The following VEGFC variants were observed in gnomAD, a reference collection of about 807,000 sequenced individuals.
The protein encoded by VEGFC is FLT4 ligand DHM.
VEGFC carries 12 observed loss-of-function variants against 46.1 expected under a neutral mutation model. That is an observed-to-expected ratio of 0.26 (90% CI 0.17 to 0.42). The LOEUF (loss-of-function observed/expected upper bound fraction) is 0.42. VEGFC is among the 10% of genes least tolerant of loss of function. The probability of loss-of-function intolerance (pLI) is 1.00; values close to 1 mark genes in which losing one functional copy is unlikely to be tolerated. For missense variants in VEGFC, 488 were observed against 529.4 expected (o/e 0.92, Z 0.77); for synonymous variants, 232 against 195.5 (o/e 1.19, Z -1.56).
chr4:176,741,606 A>G (rs941740413), intron 1 of VEGFC, among the ~76,000 whole-genome samples: 1 of 151,948 alleles, frequency 6.6e-6, no homozygotes, highest in African/African-American at 2.4e-5. Context: ...TATGGATAAT[A>G]AAAAAAGATA....
intron 1 of VEGFC, among the ~76,000 whole-genome samples, chr4:176,771,190 C>T (rs1735715995): frequency 6.6e-6 from 1 of 152,118 alleles, no homozygotes. Context: ...ATTCAAGTCA[C>T]ATTAAGAATA....
At chr4:176,731,003 C>T (rs1022329614) in intron 1 of VEGFC, among the ~76,000 whole-genome samples, 4 of 152,040 alleles carry the variant, frequency 2.6e-5, no homozygotes, top group African/African-American at 9.7e-5. Flanking sequence ...TGAGTTTACC[C>T]TTTCACTACC....
At chr4:176,685,487 A>C (rs537694719) in intron 6 of VEGFC, among the ~76,000 whole-genome samples, 20 of 152,288 alleles carry the variant, frequency 1.3e-4, no homozygotes, top group African/African-American at 3.8e-4. Flanking sequence ...GAGTTGCAGT[A>C]AACAGAGTCT....
chr4:176,739,489 G>T (rs112780093), intron 1 of VEGFC, among the ~76,000 whole-genome samples: 7,501 of 152,000 alleles, frequency 0.049, 358 homozygotes, highest in African/African-American at 0.1. Context: ...AACTAATGCA[G>T]GAGCAGAAAA....
intron 3 of VEGFC, among the ~76,000 whole-genome samples, chr4:176,726,833 A>C (rs1004879011): frequency 6.6e-6 from 1 of 152,178 alleles, no homozygotes; most frequent in African/African-American, 2.4e-5. Flanking sequence ...TACAAATCAA[A>C]TCTAACACCA....
intron 1 of VEGFC, among the ~76,000 whole-genome samples, chr4:176,767,301 A>G (rs763427238): frequency 6.6e-6 from 1 of 152,194 alleles, no homozygotes; most frequent in South Asian, 2.1e-4. Flanking sequence ...TCACCACCAC[A>G]ATAGCTAAAA....
At chr4:176,783,957 C>A (rs867491877) in intron 1 of VEGFC, among the ~76,000 whole-genome samples, 1 of 151,618 alleles carries the variant, frequency 6.6e-6, no homozygotes, top group Admixed American at 6.6e-5. Flanking sequence ...ATGCTATATT[C>A]TTTGTTTGTT....
chr4:176,695,460 C>A (rs549573711), intron 4 of VEGFC, among the ~76,000 whole-genome samples: 1 of 151,290 alleles, frequency 6.6e-6, no homozygotes, highest in Admixed American at 6.6e-5. Context: ...AGACCAATAA[C>A]AGGATCTGAA....
chr4:176,740,375 TAG>T, intron 1 of VEGFC, among the ~76,000 whole-genome samples: 2 of 122,722 alleles, frequency 1.6e-5, no homozygotes, highest in African/African-American at 6.5e-5. Context: ...ATTCTATATA[TAG>T]TTATATATAA....
At chr4:176,733,017 A>G (rs2111021998) in intron 1 of VEGFC, among the ~76,000 whole-genome samples, 1 of 152,040 alleles carries the variant, frequency 6.6e-6, no homozygotes. Flanking sequence ...AACAAAAAGA[A>G]GTAATATAAT....
intron 6 of VEGFC, among the ~76,000 whole-genome samples, chr4:176,684,514 C>T (rs1734003000): frequency 1.3e-5 from 2 of 152,160 alleles, no homozygotes; most frequent in Admixed American, 1.3e-4. Context: ...TCTTGTGTCT[C>T]TACTTGGCAG....
chr4:176,741,405 C>T (rs945738919), intron 1 of VEGFC, among the ~76,000 whole-genome samples: 1 of 151,896 alleles, frequency 6.6e-6, no homozygotes, highest in Non-Finnish European at 1.5e-5. Context: ...AAAACCCGAA[C>T]ATTTCAGGCC....
At chr4:176,740,913 A>G (rs1735160809) in intron 1 of VEGFC, among the ~76,000 whole-genome samples, 1 of 151,890 alleles carries the variant, frequency 6.6e-6, no homozygotes, top group South Asian at 2.1e-4. Context: ...TACTCAACAA[A>G]AGTTTGTTGT....
intron 1 of VEGFC, among the ~76,000 whole-genome samples, chr4:176,768,726 C>T (rs555281076): frequency 9.8e-4 from 149 of 151,804 alleles, no homozygotes; most frequent in African/African-American, 3.4e-3. Context: ...CTTAATTTCC[C>T]ACTGTCAGGT....
intron 3 of VEGFC, among the ~76,000 whole-genome samples, chr4:176,727,553 T>C (rs1267448869): frequency 6.6e-6 from 1 of 152,182 alleles, no homozygotes; most frequent in African/African-American, 2.4e-5. Context: ...CTCCACTATA[T>C]GAAGAGTTTG....
Position 176,687,340 on chromosome 4 carries a change from T to G in VEGFC, c.992A>C (p.Asn331Thr), listed in dbSNP as rs575984035. ...NKLFPSQCGA[N>T]REFDENTCQC... ...GCATGTGTTTTCATCAAATTCTCGG[T>G]TGGCCCCACATTGGCTGGGGAAGAG... is the stretch of plus-strand genomic sequence containing the variant. Residue 331 changes from asparagine (N) to threonine (T), a missense_variant, in exon 6 of 7, where the codon AAC becomes ACC. Coordinates refer to ENST00000618562, the MANE Select transcript of VEGFC (RefSeq NM_005429.5). 4.3e-6 allele frequency: 7 copies of G among 1,614,078 alleles called. No individual in the cohort carries two copies. The highest frequency in any genetic ancestry group is 5.1e-6 in the Non-Finnish European group (6 of 1,180,046).
chr4:176,738,906 C>A (rs1735103195), intron 1 of VEGFC, among the ~76,000 whole-genome samples: 1 of 151,556 alleles, frequency 6.6e-6, no homozygotes, highest in African/African-American at 2.4e-5. Context: ...GACTCTTTAT[C>A]CAGTCTATCA....
intron 1 of VEGFC, among the ~76,000 whole-genome samples, chr4:176,758,765 C>G (rs576297069): frequency 6.6e-6 from 1 of 152,080 alleles, no homozygotes; most frequent in Admixed American, 6.6e-5. Context: ...ATTCAAATAC[C>G]AGTCGTCATT....
intron 1 of VEGFC, among the ~76,000 whole-genome samples, chr4:176,777,296 G>A (rs191398938): frequency 1.2e-3 from 176 of 152,318 alleles, no homozygotes; most frequent in African/African-American, 3.9e-3. Context: ...CAGCCTGGCC[G>A]AGACAGCGAG....
Sources: allele counts gnomAD v4.1 joint callset (sites outside exome capture counted in the v4.1 genomes callset), GRCh38; gene constraint gnomAD v4.1.1; transcripts MANE v1.5; gene names NCBI Gene and HGNC (gene_info 2026-07-23, HGNC 2026-07-21).